Variants in TMTC1 observed in about 807,000 individuals in gnomAD.
TMTC1 encodes the protein transmembrane O-mannosyltransferase targeting cadherins 1, also known as protein O-mannosyl-transferase TMTC1.
A neutral mutation model predicts 104.8 loss-of-function variants in TMTC1; 73 were observed. The ratio of observed to expected loss-of-function variants is 0.70; its 90% confidence interval spans 0.58 to 0.85. TMTC1 has a LOEUF of 0.85. Among genes scored for constraint, TMTC1 ranks in the 40% least tolerant of loss-of-function variants. The pLI is 0.00. For synonymous variants in TMTC1, 434 were observed against 428.7 expected, an observed-to-expected ratio of 1.01 and a Z score of -0.15; for missense variants, 1,035 against 1,096.1, an observed-to-expected ratio of 0.94 and a Z score of 0.79.
chr12:29,584,067 TTC>T (rs1433530672), intron 7 of TMTC1, among the ~76,000 whole-genome samples: 3 of 152,182 alleles, frequency 2.0e-5, no homozygotes, highest in South Asian at 2.1e-4. Flanking sequence ...AGGAGGACTG[TTC>T]TCTGTTTCCA....
chr12:29,539,623 G>A (rs1261302057), intron 10 of TMTC1, among the ~76,000 whole-genome samples: 2 of 152,198 alleles, frequency 1.3e-5, no homozygotes, highest in African/African-American at 4.8e-5. Context: ...CTATTCTGCA[G>A]AACCTAACAA....
intron 5 of TMTC1, among the ~76,000 whole-genome samples, chr12:29,743,824 G>T (rs536804399): frequency 6.6e-6 from 1 of 152,276 alleles, no homozygotes; most frequent in African/African-American, 2.4e-5. Context: ...AAATTAAACT[G>T]GTTGATAGTA....
At chr12:29,514,458 T>C (rs1201815386) in intron 16 of TMTC1, 24 bp downstream of exon 16, 1 of 1,593,314 alleles carries the variant, frequency 6.3e-7, no homozygotes, top group Admixed American at 1.8e-5. Context: ...AATTTGATGA[T>C]ATAATTTTAT....
intron 5 of TMTC1, among the ~76,000 whole-genome samples, chr12:29,691,734 A>AC (rs1231839148): frequency 7.0e-6 from 1 of 142,540 alleles, no homozygotes; most frequent in Non-Finnish European, 1.5e-5. Context: ...AAAAAAAAAA[A>AC]AAAACCTACT....
chr12:29,702,924 C>T (rs1204321848), intron 5 of TMTC1, among the ~76,000 whole-genome samples: 1 of 152,028 alleles, frequency 6.6e-6, no homozygotes, highest in African/African-American at 2.4e-5. Flanking sequence ...GCAGGTGGAT[C>T]ACCTGAGGTC....
intron 7 of TMTC1, among the ~76,000 whole-genome samples, chr12:29,600,792 G>A (rs1946544114): frequency 6.6e-6 from 1 of 152,152 alleles, no homozygotes; most frequent in African/African-American, 2.4e-5. Context: ...TGGCATCTCC[G>A]GAGGGGGAAA....
At chr12:29,763,773 G>C (rs539423131) in intron 2 of TMTC1, among the ~76,000 whole-genome samples, 1 of 152,334 alleles carries the variant, frequency 6.6e-6, no homozygotes, top group Non-Finnish European at 1.5e-5. Context: ...CTCAAGGTGA[G>C]GGAATGCTCA....
At chr12:29,736,250 T>C (rs1375920736) in intron 5 of TMTC1, among the ~76,000 whole-genome samples, 1 of 134,096 alleles carries the variant, frequency 7.5e-6, no homozygotes, top group East Asian at 2.1e-4. Context: ...GTTTCACTCC[T>C]TAGGTAAAGC....
intron 5 of TMTC1, among the ~76,000 whole-genome samples, chr12:29,683,529 T>G (rs1940989744): frequency 6.6e-6 from 1 of 152,238 alleles, no homozygotes; most frequent in Non-Finnish European, 1.5e-5. Flanking sequence ...CTTTTGTGTG[T>G]CTACGTGTGT....
intron 16 of TMTC1, among the ~76,000 whole-genome samples, chr12:29,514,223 A>G (rs533632556): frequency 6.6e-6 from 1 of 152,330 alleles, no homozygotes; most frequent in East Asian, 1.9e-4. Flanking sequence ...GTTTGAGGCC[A>G]AAATGTGGAA....
At chr12:29,760,456 T>C (rs1389707655) in intron 2 of TMTC1, among the ~76,000 whole-genome samples, 1 of 152,196 alleles carries the variant, frequency 6.6e-6, no homozygotes, top group Non-Finnish European at 1.5e-5. Context: ...TGAAAGTTTT[T>C]GAGGTGCAAA....
At chr12:29,511,175 G>C (rs191105083) in intron 17 of TMTC1, among the ~76,000 whole-genome samples, 1 of 152,062 alleles carries the variant, frequency 6.6e-6, no homozygotes, top group Admixed American at 6.6e-5. Flanking sequence ...CTTATCACCA[G>C]CTAATATATT....
intron 5 of TMTC1, among the ~76,000 whole-genome samples, chr12:29,665,403 A>G (rs1228022389): frequency 6.6e-6 from 1 of 152,192 alleles, no homozygotes; most frequent in African/African-American, 2.4e-5. Flanking sequence ...ACATACCCAA[A>G]TTTTCTGACT....
At chr12:29,637,489 G>A (rs1452735552) in intron 5 of TMTC1, among the ~76,000 whole-genome samples, 1 of 152,164 alleles carries the variant, frequency 6.6e-6, no homozygotes, top group Non-Finnish European at 1.5e-5. Flanking sequence ...CAGGAATTCA[G>A]CTTAAACAAT....
intron 9 of TMTC1, among the ~76,000 whole-genome samples, chr12:29,566,683 C>G (rs2136286292): frequency 6.6e-6 from 1 of 152,238 alleles, no homozygotes; most frequent in Non-Finnish European, 1.5e-5. Context: ...TGGTCAGATT[C>G]TGTGTGTGTT....
At chr12:29,714,345 A>G (rs937657725) in intron 5 of TMTC1, among the ~76,000 whole-genome samples, 1 of 152,230 alleles carries the variant, frequency 6.6e-6, no homozygotes, top group Admixed American at 6.5e-5. Context: ...TGCCTGTTCC[A>G]TCACATGGAA....
chr12:29,729,294 T>C (rs1220367389), intron 5 of TMTC1, among the ~76,000 whole-genome samples: 2 of 151,958 alleles, frequency 1.3e-5, no homozygotes, highest in Non-Finnish European at 2.9e-5. Context: ...GGGAGCTCCT[T>C]GGAGGCAGAG....
At chr12:29,646,348 T>G (rs1368664110) in intron 5 of TMTC1, among the ~76,000 whole-genome samples, 3 of 152,198 alleles carry the variant, frequency 2.0e-5, no homozygotes, top group African/African-American at 7.2e-5. Flanking sequence ...GGCTTGGCAT[T>G]TTTTTCAGTG....
At position 29,557,003 on chromosome 12, in the gene TMTC1, G is replaced by A. The variant is rs748154840; in HGVS notation, c.1533-3C>T. On this transcript the variant is annotated splice_region_variant and splice_polypyrimidine_tract_variant and intron_variant, in intron 9 of 17. Coordinates refer to ENST00000539277, the MANE Select transcript of TMTC1 (RefSeq NM_001193451.2). ...CACTTGCATGGCGTGGATACAACCT[G>A]AAAAGTTAAAAATATTAAGCTGTGA... The A allele has an allele frequency of 2.5e-6, 4 of 1,613,448 alleles. No homozygotes were observed. Among genetic ancestry groups the A allele is most frequent in the Admixed American group, 1.7e-5 (1 of 59,878 alleles).
Sources: allele counts gnomAD v4.1 joint callset (sites outside exome capture counted in the v4.1 genomes callset), GRCh38; gene constraint gnomAD v4.1.1; transcripts MANE v1.5; gene names NCBI Gene and HGNC (gene_info 2026-07-23, HGNC 2026-07-21).